The following TGFA variants were observed in gnomAD, a reference collection of about 807,000 sequenced individuals.
TGFA encodes transforming growth factor alpha.
A neutral mutation model predicts 21.7 loss-of-function variants in TGFA; 12 were observed. That is an observed-to-expected ratio of 0.55 (90% CI 0.35 to 0.90). The LOEUF (loss-of-function observed/expected upper bound fraction) is 0.90. Among genes scored for constraint, TGFA ranks in the 40% least tolerant of loss-of-function variants. The pLI is 0.01. For missense variants in TGFA, 178 were observed against 210.8 expected, an observed-to-expected ratio of 0.84 and a Z score of 0.96; for synonymous variants, 79 against 88.1, an observed-to-expected ratio of 0.90 and a Z score of 0.58.
At chr2:70,501,079 G>A (rs1470623687) in intron 2 of TGFA, among the ~76,000 whole-genome samples, 1 of 151,892 alleles carries the variant, frequency 6.6e-6, no homozygotes. Context: ...TCCATTTTGA[G>A]TCGATTTTTG....
At chr2:70,510,984 A>G (rs1407340315) in intron 2 of TGFA, among the ~76,000 whole-genome samples, 1 of 144,048 alleles carries the variant, frequency 6.9e-6, no homozygotes, top group Non-Finnish European at 1.5e-5. Context: ...CTAAAAATAA[A>G]AGAAAAAAAA....
chr2:70,491,899 G>GCC (rs1671449899), intron 2 of TGFA, among the ~76,000 whole-genome samples: 1 of 152,156 alleles, frequency 6.6e-6, no homozygotes, highest in South Asian at 2.1e-4. Flanking sequence ...CAAATGAGCT[G>GCC]CACAATGGCA....
intron 2 of TGFA, among the ~76,000 whole-genome samples, chr2:70,510,801 A>T (rs1672073326): frequency 6.6e-6 from 1 of 152,168 alleles, no homozygotes; most frequent in Admixed American, 6.5e-5. Flanking sequence ...AAAGGCCAAG[A>T]GCAATGGTCA....
In TGFA at chr2:70,516,166, G is replaced by A. The variant is rs562414305; in HGVS notation, c.41-1254C>T. Among the ~76,000 whole-genome samples the A allele has an allele frequency of 1.3e-4, 20 of 152,308 alleles. 1 individual carries two copies. The highest frequency in any genetic ancestry group is 4.8e-4 in the African/African-American group (20 of 41,560). On this transcript the variant is annotated intron_variant, in intron 1 of 5. Coordinates refer to ENST00000295400, the MANE Select transcript of TGFA (RefSeq NM_003236.4). ...TAGAATGACTTCCCAAAACTGAAAC[G>A]CAAAAAGATGCCACAGTTGCTGTGC...
chr2:70,472,228 G>A (rs782003281), intron 2 of TGFA, among the ~76,000 whole-genome samples: 22 of 152,166 alleles, frequency 1.4e-4, no homozygotes, highest in Admixed American at 3.9e-4. Context: ...ACTGGCACTG[G>A]CCCCCAGGAC....
chr2:70,533,058 G>T (rs1177188798), intron 1 of TGFA, among the ~76,000 whole-genome samples: 1 of 151,658 alleles, frequency 6.6e-6, no homozygotes, highest in African/African-American at 2.4e-5. Context: ...CATAGAGACA[G>T]GGTTTCACCA....
chr2:70,551,847 G>A (rs1467842830), intron 1 of TGFA, among the ~76,000 whole-genome samples: 1 of 152,118 alleles, frequency 6.6e-6, no homozygotes, highest in Non-Finnish European at 1.5e-5. Flanking sequence ...GAACATTCAG[G>A]CAAAAGAGAA....
At chr2:70,503,816 G>A (rs114230515) in intron 2 of TGFA, among the ~76,000 whole-genome samples, 2,246 of 152,306 alleles carry the variant, frequency 0.015, 56 homozygotes, top group African/African-American at 0.051. Context: ...TAGAGGCCCC[G>A]TCCTTGGACA....
At chr2:70,545,004 G>T (rs1016193237) in intron 1 of TGFA, among the ~76,000 whole-genome samples, 5 of 152,136 alleles carry the variant, frequency 3.3e-5, no homozygotes, top group Admixed American at 6.5e-5. Flanking sequence ...TTTTAAAATA[G>T]CTAAAAGAGT....
chr2:70,474,585 T>C (rs1251704147), intron 2 of TGFA, among the ~76,000 whole-genome samples: 2 of 152,158 alleles, frequency 1.3e-5, no homozygotes, highest in African/African-American at 4.8e-5. Context: ...AAAATACAGA[T>C]GCAAAAGAGA....
chr2:70,536,431 G>C (rs1293909051), intron 1 of TGFA, among the ~76,000 whole-genome samples: 1 of 152,156 alleles, frequency 6.6e-6, no homozygotes, highest in Non-Finnish European at 1.5e-5. Flanking sequence ...CATTCACCAA[G>C]AGAGACCACG....
intron 2 of TGFA, among the ~76,000 whole-genome samples, chr2:70,496,277 T>C (rs1207226983): frequency 2.0e-5 from 3 of 152,206 alleles, no homozygotes; most frequent in Non-Finnish European, 4.4e-5. Context: ...TAAGAGTCAT[T>C]CGTAATCTTC....
chr2:70,449,811 A>G lies in TGFA; in HGVS notation c.*1048T>C, dbSNP rs1473946853. On this transcript the variant is annotated 3_prime_UTR_variant, in exon 6 of 6. Coordinates refer to ENST00000295400, the MANE Select transcript of TGFA (RefSeq NM_003236.4). ...GCCTATGGCTCGTGGCTAATGTTCT[A>G]TTTCTAAACATACTTACCGAGGGCT... is the stretch of plus-strand genomic sequence containing the variant. 5 of 185,938 alleles carry G rather than the reference A, an allele frequency of 2.7e-5. No individual in the cohort carries two copies. The highest frequency in any genetic ancestry group is 1.2e-4 in the African/African-American group (5 of 42,540). 11.5% of individuals were successfully genotyped at this position (185,938 alleles called of 1,614,324 possible). A position where few individuals can be genotyped will look rare whatever the true frequency, so the allele number is the denominator to read the frequency against.
intron 1 of TGFA, among the ~76,000 whole-genome samples, chr2:70,532,624 A>G (rs1482774775): frequency 6.6e-6 from 1 of 152,210 alleles, no homozygotes; most frequent in East Asian, 1.9e-4. Flanking sequence ...GATAAAAAAC[A>G]TACACTAGGC....
At chr2:70,454,525 A>G (rs1016534497) in intron 4 of TGFA, among the ~76,000 whole-genome samples, 2 of 152,202 alleles carry the variant, frequency 1.3e-5, no homozygotes, top group Admixed American at 6.5e-5. Flanking sequence ...AGAGCCATCA[A>G]TGACTACTTT....
intron 2 of TGFA, among the ~76,000 whole-genome samples, chr2:70,482,206 G>A (rs782672677): frequency 1.3e-5 from 2 of 151,996 alleles, no homozygotes; most frequent in Non-Finnish European, 2.9e-5. Flanking sequence ...TACGTTGGAT[G>A]TTGGCCTTTG....
intron 1 of TGFA, among the ~76,000 whole-genome samples, chr2:70,540,706 A>C (rs1256931475): frequency 2.6e-5 from 4 of 152,210 alleles, no homozygotes; most frequent in Non-Finnish European, 5.9e-5. Flanking sequence ...AAAACAAAAA[A>C]ATTACACTTT....
At chr2:70,456,733 G>A (rs1272631726) in intron 3 of TGFA, among the ~76,000 whole-genome samples, 6 of 152,230 alleles carry the variant, frequency 3.9e-5, no homozygotes, top group Admixed American at 3.3e-4. Context: ...GGCAAGCTAC[G>A]GCTGAAGCAA....
intron 2 of TGFA, among the ~76,000 whole-genome samples, chr2:70,499,113 G>A (rs1474330430): frequency 3.9e-5 from 6 of 152,082 alleles, no homozygotes; most frequent in Non-Finnish European, 7.4e-5. Flanking sequence ...AATCACTAGG[G>A]GAGTTAAAAA....
Sources: allele counts gnomAD v4.1 joint callset (sites outside exome capture counted in the v4.1 genomes callset), GRCh38; gene constraint gnomAD v4.1.1; transcripts MANE v1.5; gene names NCBI Gene and HGNC (gene_info 2026-07-23, HGNC 2026-07-21).